NECTIN3: variants seen among roughly 807,000 people sequenced by gnomAD.
NECTIN3 encodes the protein nectin-3.
In NECTIN3, 8 loss-of-function variants were observed where a neutral mutation model predicts 49.4. The observed-to-expected ratio is 0.16, with a 90% CI of 0.10 to 0.29. The LOEUF (loss-of-function observed/expected upper bound fraction) is 0.29, where lower values mean the gene tolerates loss of function less well. Ranked by LOEUF, NECTIN3 falls within the 10% of genes least tolerant of loss-of-function variation. The pLI is 1.00. For missense variants in NECTIN3, 581 were observed against 654.6 expected (o/e 0.89, Z 1.23); for synonymous variants, 277 against 241.1 (o/e 1.15, Z -1.38).
rs1001187082 is a variant in NECTIN3, at chr3:111,072,275, G to C, written c.160+98G>C. On this transcript the variant is annotated intron_variant, in intron 1 of 5. Coordinates refer to ENST00000485303, the MANE Select transcript of NECTIN3 (RefSeq NM_015480.3). Reference sequence around the variant, plus strand: ...GCCAGCCGTTCTCTGGAGCAGCGAGGCGGTTGGTTGTGCGAGCGAGTGCCG... The same window carrying C: ...GCCAGCCGTTCTCTGGAGCAGCGAGCCGGTTGGTTGTGCGAGCGAGTGCCG... 24 of 1,457,402 alleles carry C rather than the reference G, an allele frequency of 1.6e-5. 1 individual carries two copies. The Admixed American group carries it at 3.3e-4, about 20-fold the overall frequency. 90.3% of individuals were successfully genotyped at this position (1,457,402 alleles called of 1,614,324 possible). A position where few individuals can be genotyped will look rare whatever the true frequency, so the allele number is the denominator to read the frequency against.
At chr3:111,096,822 A>T (rs575575505) in intron 1 of NECTIN3, among the ~76,000 whole-genome samples, 1 of 152,158 alleles carries the variant, frequency 6.6e-6, no homozygotes, top group Admixed American at 6.5e-5. Flanking sequence ...ATTTCAGAAG[A>T]TGTATGGAAA....
intron 1 of NECTIN3, among the ~76,000 whole-genome samples, chr3:111,074,614 C>T (rs193083721): frequency 6.6e-5 from 10 of 152,126 alleles, no homozygotes; most frequent in African/African-American, 1.9e-4. Flanking sequence ...ATCAGACTTG[C>T]TGGCCGTTTG....
intron 1 of NECTIN3, among the ~76,000 whole-genome samples, chr3:111,086,760 A>T (rs561680150): frequency 1.3e-5 from 2 of 152,242 alleles, no homozygotes; most frequent in South Asian, 4.1e-4. Context: ...TTTTCATAAA[A>T]AGCCTGCAGG....
chr3:111,100,357 A>T (rs1460210111), intron 1 of NECTIN3, among the ~76,000 whole-genome samples: 1 of 152,172 alleles, frequency 6.6e-6, no homozygotes, highest in Non-Finnish European at 1.5e-5. Flanking sequence ...AACTTTCCAT[A>T]GCTGACAACT....
chr3:111,144,216 G>A lies in NECTIN3; in HGVS notation c.1001-683G>A, dbSNP rs139887942. ...TCCTTTCTTAAAAAATTGTGGTGCA[G>A]TGTGGGAAAGAGAAGTTGGTATTCA... On this transcript the variant is annotated intron_variant, in intron 5 of 8. Transcript: ENST00000493615. 5.8e-3 allele frequency among the ~76,000 whole-genome samples: 880 copies of A among 152,102 alleles called. 12 individuals carry two copies. The highest frequency in any genetic ancestry group is 0.02 in the African/African-American group (813 of 41,542).
downstream of NECTIN3, among the ~76,000 whole-genome samples, chr3:111,138,617 A>T (rs2034656472): frequency 6.6e-6 from 1 of 151,472 alleles, no homozygotes; most frequent in African/African-American, 2.4e-5. Flanking sequence ...AGTTATGTTT[A>T]TTTCAATTTA....
At chr3:111,106,683 A>G (rs945959262) in intron 1 of NECTIN3, among the ~76,000 whole-genome samples, 1 of 152,194 alleles carries the variant, frequency 6.6e-6, no homozygotes, top group Non-Finnish European at 1.5e-5. Flanking sequence ...TTTTGAGGAC[A>G]ACTATATGCT....
intron 7 of NECTIN3, among the ~76,000 whole-genome samples, chr3:111,164,848 T>C (rs2035287093): frequency 6.6e-6 from 1 of 152,150 alleles, no homozygotes; most frequent in South Asian, 2.1e-4. Flanking sequence ...AGGATTAGAA[T>C]TTAGACATAA....
chr3:111,145,139 T>C (rs1221422733), intron 6 of NECTIN3: 49 of 1,303,544 alleles, frequency 3.8e-5, no homozygotes, highest in Non-Finnish European at 5.0e-5. Context: ...GGGATAGAAG[T>C]AAGGATAATG....
intron 1 of NECTIN3, among the ~76,000 whole-genome samples, chr3:111,076,848 G>T (rs1331336241): frequency 2.0e-5 from 3 of 151,860 alleles, no homozygotes; most frequent in Non-Finnish European, 2.9e-5. Flanking sequence ...GGTGGCAGGA[G>T]CCTGTAATCC....
chr3:111,079,240 A>G (rs2031437058), intron 1 of NECTIN3, among the ~76,000 whole-genome samples: 2 of 152,058 alleles, frequency 1.3e-5, no homozygotes, highest in South Asian at 4.1e-4. Context: ...TTATTAATAA[A>G]ATTTCTAATT....
At chr3:111,087,843 G>A (rs372198635) in intron 1 of NECTIN3, among the ~76,000 whole-genome samples, 1 of 151,758 alleles carries the variant, frequency 6.6e-6, no homozygotes, top group Admixed American at 6.6e-5. Context: ...GATTACAGGC[G>A]CCCGCTACCA....
chr3:111,111,477 A>G (rs1202065189), intron 1 of NECTIN3, among the ~76,000 whole-genome samples: 1 of 152,192 alleles, frequency 6.6e-6, no homozygotes, highest in Non-Finnish European at 1.5e-5. Context: ...CTTCAGTATT[A>G]TATTTGGTTT....
chr3:111,167,073 C>T (rs986910771), intron 7 of NECTIN3, among the ~76,000 whole-genome samples: 10 of 150,218 alleles, frequency 6.7e-5, no homozygotes, highest in Non-Finnish European at 1.0e-4. Flanking sequence ...TTTTTGCACA[C>T]GTAGGTGATT....
chr3:111,111,463 G>T (rs535917336), intron 1 of NECTIN3, among the ~76,000 whole-genome samples: 1 of 152,250 alleles, frequency 6.6e-6, no homozygotes, highest in South Asian at 2.1e-4. Flanking sequence ...TCCAAAAGAA[G>T]ATACTTCAGT....
intron 7 of NECTIN3, among the ~76,000 whole-genome samples, chr3:111,183,300 T>TCTCTATTTC (rs1344674048): frequency 6.6e-6 from 1 of 152,022 alleles, no homozygotes; most frequent in African/African-American, 2.4e-5. Flanking sequence ...ACAATTTTTT[T>TCTCTATTTC]CTCTATTTCA....
chr3:111,182,167 C>T (rs563181839), intron 7 of NECTIN3, among the ~76,000 whole-genome samples: 154 of 151,948 alleles, frequency 1.0e-3, no homozygotes, highest in Non-Finnish European at 1.6e-3. Flanking sequence ...ATTTATTTTT[C>T]GTTAATTTTT....
intron 1 of NECTIN3, among the ~76,000 whole-genome samples, chr3:111,079,665 A>G (rs561588268): frequency 4.9e-4 from 74 of 151,958 alleles, no homozygotes; most frequent in Admixed American, 2.0e-3. Context: ...AAAACATGAT[A>G]GCAGCATTTC....
At chr3:111,180,750 T>C (rs1235294089) in intron 7 of NECTIN3, among the ~76,000 whole-genome samples, 1 of 152,158 alleles carries the variant, frequency 6.6e-6, no homozygotes, top group Non-Finnish European at 1.5e-5. Context: ...AAATAAGCAA[T>C]TGGATACTTT....
Sources: allele counts gnomAD v4.1 joint callset (sites outside exome capture counted in the v4.1 genomes callset), GRCh38; gene constraint gnomAD v4.1.1; transcripts MANE v1.5; gene names NCBI Gene and HGNC (gene_info 2026-07-23, HGNC 2026-07-21).